NFYB: variants seen among roughly 807,000 people sequenced by gnomAD.
NFYB encodes CAAT box DNA-binding protein subunit B.
In NFYB, 13 loss-of-function variants were observed where a neutral mutation model predicts 28.0. That is an observed-to-expected ratio of 0.46 (90% CI 0.30 to 0.74). The LOEUF (loss-of-function observed/expected upper bound fraction) is 0.74, where lower values mean the gene tolerates loss of function less well. Ranked by LOEUF, NFYB falls within the 30% of genes least tolerant of loss-of-function variation. The pLI is 0.07. For synonymous variants in NFYB, 74 were observed against 75.0 expected, an observed-to-expected ratio of 0.99 and a Z score of 0.07; for missense variants, 142 against 247.6, an observed-to-expected ratio of 0.57 and a Z score of 2.86.
At chr12:104,125,741 G>A (rs964399229) in intron 4 of NFYB, among the ~76,000 whole-genome samples, 9 of 149,040 alleles carry the variant, frequency 6.0e-5, no homozygotes, top group African/African-American at 2.0e-4. Context: ...CCAGCTACTC[G>A]GGAGGCTGAG....
chr12:104,135,796 C>T (rs1268698544), intron 1 of NFYB, among the ~76,000 whole-genome samples: 1 of 152,082 alleles, frequency 6.6e-6, no homozygotes, highest in Non-Finnish European at 1.5e-5. Context: ...CAACATAACC[C>T]TGAATTTAGC....
intron 2 of NFYB, chr12:104,131,051 A>G (rs1405837716): frequency 6.6e-6 from 1 of 152,248 alleles, no homozygotes; most frequent in Non-Finnish European, 1.5e-5. Context: ...CGGATCTGGG[A>G]GATGAATTAA....
At position 104,118,661 on chromosome 12, in the gene NFYB, C is replaced by T. The variant is rs779390117; in HGVS notation, c.*1076G>A. On this transcript the variant is annotated 3_prime_UTR_variant, in exon 8 of 8. Coordinates refer to ENST00000240055, the MANE Select transcript of NFYB (RefSeq NM_006166.4). ...AAATTATACAAAGTTACATTATTTA[C>T]GTTTAGTTTATTGCAGAGATGAAGA... 4 of 152,200 alleles carry T rather than the reference C, an allele frequency of 2.6e-5. No homozygotes were observed. Among genetic ancestry groups the T allele is most frequent in the Non-Finnish European group, 4.4e-5 (3 of 68,010 alleles). 9.4% of individuals were successfully genotyped at this position (152,200 alleles called of 1,614,324 possible). A position where few individuals can be genotyped will look rare whatever the true frequency, so the allele number is the denominator to read the frequency against.
intron 3 of NFYB, 94 bp from the exon 4 acceptor site, chr12:104,126,338 T>C (rs1439707723): frequency 9.5e-6 from 9 of 948,016 alleles, no homozygotes; most frequent in Admixed American, 3.9e-5. Flanking sequence ...AAAATCATTC[T>C]GGTTCACCTC....
rs1309747322 is a variant in NFYB at position 104,117,328 on chromosome 12, T to C, written c.*2409A>G. 1 of 152,232 alleles carries C rather than the reference T, an allele frequency of 6.6e-6. No individual in the cohort carries two copies. Among genetic ancestry groups the C allele is most frequent in the Non-Finnish European group, 1.5e-5 (1 of 68,034 alleles). 9.4% of individuals were successfully genotyped at this position (152,232 alleles called of 1,614,324 possible). On this transcript the variant is annotated 3_prime_UTR_variant, in exon 8 of 8. Transcript: ENST00000240055. ...ATAAAAAAGGTGACCTGATTTTACCTGGTGTAAAATTTTAGTTAGCACTAC... is the reference window on the plus strand; with the variant it reads ...ATAAAAAAGGTGACCTGATTTTACCCGGTGTAAAATTTTAGTTAGCACTAC...
intron 4 of NFYB, 45 bp from the exon 5 acceptor site, chr12:104,123,468 C>G: frequency 6.6e-7 from 1 of 1,520,018 alleles, no homozygotes; most frequent in Non-Finnish European, 9.1e-7. Flanking sequence ...ATAACCATCA[C>G]CTTCCTAACA....
At chr12:104,137,557 C>A (rs2031154025) in intron 1 of NFYB, 1 of 152,394 alleles carries the variant, frequency 6.6e-6, no homozygotes, top group Admixed American at 6.5e-5. Context: ...GCCCCCAGAG[C>A]GCATCCCCTG....
At chr12:104,126,365 G>T in intron 3 of NFYB, 121 bp from the exon 4 acceptor site, 1 of 682,938 alleles carries the variant, frequency 1.5e-6, no homozygotes, top group Non-Finnish European at 2.1e-6. Flanking sequence ...ATTATTTAGG[G>T]ATTAGGATAG....
intron 2 of NFYB, among the ~76,000 whole-genome samples, chr12:104,129,035 A>G (rs954719383): frequency 1.3e-5 from 2 of 152,212 alleles, no homozygotes; most frequent in African/African-American, 4.8e-5. Context: ...TCCATCTTCC[A>G]TAAGTGATAT....
chr12:104,122,085 TTAC>T (rs1275074770), intron 5 of NFYB, among the ~76,000 whole-genome samples: 5 of 152,206 alleles, frequency 3.3e-5, no homozygotes, highest in African/African-American at 1.2e-4. Context: ...GACTCCAACC[TTAC>T]TACTTTTAAT....
chr12:104,135,482 G>A lies in NFYB; in HGVS notation c.-29C>T. On this transcript the variant is annotated 5_prime_UTR_variant, in exon 2 of 8. Transcript: ENST00000240055. ...ATACTGTCAGAACCGTGTTGTCAGT[G>A]GTGCTGAAGAACACCTATCTAAAAA... 1 of 1,568,022 alleles carries A rather than the reference G, an allele frequency of 6.4e-7. No homozygotes were observed. The highest frequency in any genetic ancestry group is 8.6e-7 in the Non-Finnish European group (1 of 1,160,380).
intron 2 of NFYB, among the ~76,000 whole-genome samples, chr12:104,133,191 C>T (rs190444858): frequency 7.2e-5 from 11 of 152,246 alleles, no homozygotes; most frequent in South Asian, 2.1e-4. Flanking sequence ...AAGCCTGTGA[C>T]GCAGGTGAGA....
intron 2 of NFYB, among the ~76,000 whole-genome samples, chr12:104,135,105 C>G (rs2031055819): frequency 6.6e-6 from 1 of 152,214 alleles, no homozygotes; most frequent in African/African-American, 2.4e-5. Context: ...CCCAGGCTCA[C>G]CATGCCTCTC....
chr12:104,134,291 T>A (rs1400313803), intron 2 of NFYB, among the ~76,000 whole-genome samples: 1 of 152,196 alleles, frequency 6.6e-6, no homozygotes, highest in African/African-American at 2.4e-5. Context: ...GCATGTCTAA[T>A]ATCTCATCAC....
intron 2 of NFYB, chr12:104,131,724 A>G: frequency 2.2e-6 from 1 of 455,928 alleles, no homozygotes; most frequent in Non-Finnish European, 4.4e-6. Context: ...CAGCCAACAA[A>G]TATTTACTGA....
chr12:104,128,424 C>T lies in NFYB; in HGVS notation c.100G>A (p.Asp34Asn). 1 of 1,594,980 alleles carries T rather than the reference C, an allele frequency of 6.3e-7. No individual in the cohort carries two copies. Among genetic ancestry groups the T allele is most frequent in the Non-Finnish European group, 8.5e-7 (1 of 1,169,874 alleles). The change falls in exon 3 of 8, where the codon GAT (aspartate) becomes AAT (asparagine). Residue 34 changes from aspartate (D) to asparagine (N), a missense_variant and splice_region_variant. Physicochemically the swap from Asp to Asn is conservative, Grantham distance 23 (BLOSUM62 1). This residue lies in a region of NFYB where 54 missense variants were observed against 58.1 expected (regional missense o/e 0.93). Transcript: ENST00000240055. ...GSHYVIQPHDDTEDSMNDHED... is the reference protein window; with the variant it reads ...GSHYVIQPHDNTEDSMNDHED... ...TTGGTTCTAATTGTGGCTTGCTTAC[C>T]ATCATGAGGCTGTATAACATAATGA...
At chr12:104,127,660 T>C (rs2030769831) in intron 3 of NFYB, among the ~76,000 whole-genome samples, 1 of 130,554 alleles carries the variant, frequency 7.7e-6, no homozygotes, top group Admixed American at 8.7e-5. Context: ...AACATAACAC[T>C]GCCTTTTTTT....
Position 104,121,291 on chromosome 12 carries a change from C to T in NFYB, c.460G>A (p.Ala154Thr), listed in dbSNP as rs1433652150. 6.2e-7 allele frequency: 1 copy of T among 1,612,462 alleles called. No individual in the cohort carries two copies. The highest frequency in any genetic ancestry group is 1.3e-5 in the African/African-American group (1 of 74,870). ...AMKGEKGIGGAVTATDGLSEE... is the reference protein window; with the variant it reads ...AMKGEKGIGGTVTATDGLSEE... The stretch of plus-strand genomic sequence containing the variant: ...CTTAGTCCATCTGTAGCTGTGACTG[C>T]TCCACCAATTCCCTTTTCTCCTTTC... The change falls in exon 6 of 8, where the codon GCA (alanine) becomes ACA (threonine). Residue 154 changes from alanine (A) to threonine (T), a missense_variant. By Grantham distance (58) the Ala-to-Thr change is moderately conservative. Transcript: ENST00000240055.
chr12:104,132,342 A>G (rs115851428), intron 2 of NFYB, among the ~76,000 whole-genome samples: 232 of 152,260 alleles, frequency 1.5e-3, no homozygotes, highest in African/African-American at 5.3e-3. Context: ...GGGCTAGATC[A>G]AGCAGTGTCC....
Sources: gnomAD v4.1 joint callset for allele counts (sites outside exome capture counted in the v4.1 genomes callset) on GRCh38, gnomAD v4.1.1 for gene constraint, gnomAD v4.1.1 regional missense constraint, MANE v1.5 for transcripts, NCBI Gene and HGNC (gene_info 2026-07-23, HGNC 2026-07-21) for gene names.